CPNE5: variants seen among roughly 807,000 people sequenced by gnomAD.
CPNE5 encodes the protein copine-5.
In CPNE5, 42 loss-of-function variants were observed where a neutral mutation model predicts 81.1. The observed-to-expected ratio is 0.52, with a 90% CI of 0.40 to 0.67. CPNE5 has a LOEUF of 0.67. Among genes scored for constraint, CPNE5 ranks in the 30% least tolerant of loss-of-function variants. CPNE5 has a pLI of 0.00. For synonymous variants in CPNE5, 313 were observed against 321.5 expected (o/e 0.97, Z 0.28); for missense variants, 612 against 815.5 (o/e 0.75, Z 3.04).
rs1377217219 is a variant in CPNE5 at position 36,823,079 on chromosome 6, T to C, written c.115A>G (p.Met39Val). The change falls in exon 2 of 21, where the codon ATG becomes GTG. Residue 39 changes from methionine to valine, a missense_variant. Physicochemically the swap from Met to Val is conservative, Grantham distance 21. Coordinates refer to ENST00000244751, the MANE Select transcript of CPNE5 (RefSeq NM_020939.2). The part of the protein sequence containing the change: ...VSCRNLLDKD[M>V]FSKSDPLCVM... ...TTACGTGGGTCGGACTTGGAAAACA[T>C]GTCTTTGTCCAGGAGGTTCCTGAAA... The C allele has an allele frequency of 1.9e-6, 3 of 1,575,800 alleles. No individual in the cohort carries two copies. Among genetic ancestry groups the C allele is most frequent in the Non-Finnish European group, 1.7e-6 (2 of 1,159,626 alleles).
At chr6:36,792,341 G>A in intron 7 of CPNE5, 1 of 1,520,292 alleles carries the variant, frequency 6.6e-7, no homozygotes, top group Non-Finnish European at 8.8e-7. Flanking sequence ...GAGCCCACCA[G>A]GAAGGGTAGT....
At chr6:36,809,238 G>C (rs1361211033) in intron 3 of CPNE5, among the ~76,000 whole-genome samples, 1 of 151,016 alleles carries the variant, frequency 6.6e-6, no homozygotes, top group Non-Finnish European at 1.5e-5. Flanking sequence ...GGGAGAGACA[G>C]AGAGAGAGAG....
chr6:36,760,964 T>C (rs1235369215), intron 12 of CPNE5, among the ~76,000 whole-genome samples: 2 of 152,244 alleles, frequency 1.3e-5, no homozygotes, highest in East Asian at 3.8e-4. Flanking sequence ...TTCCGATGTG[T>C]GCAGACAGTG....
intron 1 of CPNE5, among the ~76,000 whole-genome samples, chr6:36,834,655 CAA>C (rs764110245): frequency 4.7e-5 from 6 of 126,500 alleles, no homozygotes; most frequent in East Asian, 2.3e-4. Context: ...GACTCCATCT[CAA>C]AAAAAAAAAA....
chr6:36,772,856 CT>C (rs989010804), intron 10 of CPNE5, among the ~76,000 whole-genome samples: 13 of 149,438 alleles, frequency 8.7e-5, no homozygotes, highest in African/African-American at 2.7e-4. Flanking sequence ...TTAAGGTTTT[CT>C]TTTTTTTTTC....
At chr6:36,811,078 TC>T (rs1397945912) in intron 3 of CPNE5, among the ~76,000 whole-genome samples, 1 of 152,202 alleles carries the variant, frequency 6.6e-6, no homozygotes, top group Non-Finnish European at 1.5e-5. Flanking sequence ...TCCCAGCTCC[TC>T]GGGGAACGGG....
At chr6:36,767,918 C>T (rs1224901451) in intron 10 of CPNE5, among the ~76,000 whole-genome samples, 1 of 152,226 alleles carries the variant, frequency 6.6e-6, no homozygotes, top group Non-Finnish European at 1.5e-5. Flanking sequence ...ATACTGACAC[C>T]AATGTCTTAC....
intron 3 of CPNE5, among the ~76,000 whole-genome samples, chr6:36,819,091 A>AT (rs895147229): frequency 1.3e-5 from 2 of 152,090 alleles, no homozygotes; most frequent in African/African-American, 2.4e-5. Flanking sequence ...TATTTCTCAC[A>AT]TTTTTTTTGT....
intron 18 of CPNE5, 65 bp from the exon 19 acceptor site, chr6:36,744,390 G>A: frequency 2.3e-6 from 3 of 1,297,368 alleles, no homozygotes; most frequent in Non-Finnish European, 3.3e-6. Flanking sequence ...AAAGGAAGGA[G>A]AAATCAGGGG....
At chr6:36,821,426 C>T (rs932171764) in intron 3 of CPNE5, among the ~76,000 whole-genome samples, 1 of 152,042 alleles carries the variant, frequency 6.6e-6, no homozygotes, top group Non-Finnish European at 1.5e-5. Context: ...TCCCTCTGGC[C>T]GCGGGGTGAG....
At chr6:36,827,519 T>C (rs1772606549) in intron 1 of CPNE5, 1 of 985,330 alleles carries the variant, frequency 1.0e-6, no homozygotes. Flanking sequence ...ATGTCTCTGA[T>C]GGCAGCCGTC....
At chr6:36,744,224 G>A (rs76616936) in intron 19 of CPNE5, 44 bp downstream of exon 19, 117 of 1,503,484 alleles carry the variant, frequency 7.8e-5, no homozygotes, top group Non-Finnish European at 1.0e-4. Flanking sequence ...GCAGGGTTGC[G>A]TGGCTAGGGA....
At chr6:36,752,963 C>CCGGTCCTGT in intron 14 of CPNE5, 71 bp downstream of exon 14, 1 of 1,300,716 alleles carries the variant, frequency 7.7e-7, no homozygotes, top group Non-Finnish European at 1.1e-6. Context: ...GGGGCCAGAG[C>CCGGTCCTGT]CGGTCCTGTC....
intron 12 of CPNE5, among the ~76,000 whole-genome samples, chr6:36,762,219 C>T (rs975229688): frequency 8.0e-6 from 1 of 125,538 alleles, no homozygotes; most frequent in South Asian, 2.7e-4. Context: ...CAGAGTGAGG[C>T]CCTGTCTCAA....
chr6:36,784,985 AGAAAC>A (rs2150487000), intron 8 of CPNE5, among the ~76,000 whole-genome samples: 1 of 152,070 alleles, frequency 6.6e-6, no homozygotes, highest in South Asian at 2.1e-4. Context: ...CATTCCCACC[AGAAAC>A]ATCACTGGAA....
At chr6:36,827,700 G>C (rs1349286199) in intron 1 of CPNE5, 8 of 985,288 alleles carry the variant, frequency 8.1e-6, no homozygotes, top group Non-Finnish European at 8.4e-6. Flanking sequence ...GGGGCAATGA[G>C]TCACTTGCCC....
At chr6:36,813,851 T>C (rs901906818) in intron 3 of CPNE5, among the ~76,000 whole-genome samples, 5 of 152,170 alleles carry the variant, frequency 3.3e-5, no homozygotes, top group Non-Finnish European at 7.4e-5. Context: ...TCACAGGATC[T>C]CCAAGGGCGG....
chr6:36,792,695 G>A (rs1467644716), intron 7 of CPNE5, among the ~76,000 whole-genome samples: 2 of 152,128 alleles, frequency 1.3e-5, no homozygotes, highest in African/African-American at 4.8e-5. Flanking sequence ...AGTGAAGTGG[G>A]CAACCAGATC....
At chr6:36,750,693 A>AT (rs1764714798) in intron 14 of CPNE5, among the ~76,000 whole-genome samples, 1 of 152,194 alleles carries the variant, frequency 6.6e-6, no homozygotes, top group Admixed American at 6.5e-5. Context: ...TGTAGAACGC[A>AT]TGTCTTTGTT....
Sources: gnomAD v4.1 joint callset for allele counts (sites outside exome capture counted in the v4.1 genomes callset) on GRCh38, gnomAD v4.1.1 for gene constraint, MANE v1.5 for transcripts, NCBI Gene and HGNC (gene_info 2026-07-23, HGNC 2026-07-21) for gene names.